PFKP: variants seen among roughly 807,000 people sequenced by gnomAD.
The protein encoded by PFKP is ATP-dependent 6-phosphofructokinase, platelet type.
In PFKP, 101 loss-of-function variants were observed where a neutral mutation model predicts 94.3. The ratio of observed to expected loss-of-function variants is 1.07; its 90% CI spans 0.91 to 1.26. The LOEUF (loss-of-function observed/expected upper bound fraction) is 1.26, where lower values mean the gene tolerates loss of function less well. Among genes scored for constraint, PFKP ranks in the 50% most tolerant of loss-of-function variants. The pLI is 0.00. For missense variants in PFKP, 1,145 were observed against 1,103.3 expected (o/e 1.04, Z -0.53); for synonymous variants, 573 against 432.6 (o/e 1.32, Z -4.03).
At chr10:3,107,803 T>C (rs897649912) in intron 8 of PFKP, 2 of 1,211,300 alleles carry the variant, frequency 1.7e-6, no homozygotes, top group Admixed American at 3.3e-5. Context: ...TGGCAGGCTT[T>C]GGCAGGCTTC....
At chr10:3,076,965 C>T (rs1467751136) in intron 1 of PFKP, among the ~76,000 whole-genome samples, 1 of 152,142 alleles carries the variant, frequency 6.6e-6, no homozygotes. Flanking sequence ...CCTACATTAT[C>T]AAAGGAAAGA....
In PFKP at chr10:3,077,802, C is replaced by T. The variant is rs139881715; in HGVS notation, c.113-4586C>T. Among the ~76,000 whole-genome samples, 550 of 152,248 alleles carry T rather than the reference C, an allele frequency of 3.6e-3. 3 individuals carry two copies. The highest frequency in any genetic ancestry group is 0.012 in the African/African-American group (502 of 41,530). ...TTTAGTAAGAAGCTGTTAAAAAGTA[C>T]GGCATATGAAGAAAGCGATTTAATA... On this transcript the variant is annotated intron_variant, in intron 1 of 21. Transcript: ENST00000381125.
intron 2 of PFKP, among the ~76,000 whole-genome samples, chr10:3,086,134 C>A (rs1386199710): frequency 1.3e-5 from 2 of 152,038 alleles, no homozygotes; most frequent in African/African-American, 4.8e-5. Context: ...TGTTATAATT[C>A]GCAAAATGTT....
At chr10:3,118,346 T>C (rs1374878046) in intron 14 of PFKP, among the ~76,000 whole-genome samples, 1 of 152,026 alleles carries the variant, frequency 6.6e-6, no homozygotes, top group African/African-American at 2.4e-5. Flanking sequence ...CGGGCGCCTG[T>C]AGTCCCAGCT....
chr10:3,120,123 C>A (rs1003376765), intron 16 of PFKP, 79 bp downstream of exon 16: 3 of 1,143,842 alleles, frequency 2.6e-6, no homozygotes, highest in Admixed American at 1.9e-5. Context: ...TCTACCAGTG[C>A]GCTAGAAATA....
At position 3,118,812 on chromosome 10, in the gene PFKP, C is replaced by G; in HGVS notation, c.1473C>G (p.Ile491Met). 1.2e-6 allele frequency: 2 copies of G among 1,613,664 alleles called. No individual in the cohort carries two copies. The highest frequency in any genetic ancestry group is 1.7e-6 in the Non-Finnish European group (2 of 1,179,732). Residue 491 changes from isoleucine (I) to methionine (M), a missense_variant, in exon 15 of 22, where the codon ATC (isoleucine) becomes ATG (methionine). Physicochemically the swap from Ile to Met is conservative, Grantham distance 10. Transcript: ENST00000381125. The stretch of plus-strand genomic sequence containing the variant: ...TCCCGGGGAAGTACTTGGAAGAGAT[C>G]GCCACACAGATGCGCACGCACAGCA... ...RVLPGKYLEE[I>M]ATQMRTHSIN...
At chr10:3,099,241 C>G in intron 2 of PFKP, 34 bp from the exon 3 acceptor site, 1 of 1,525,674 alleles carries the variant, frequency 6.6e-7, no homozygotes, top group African/African-American at 1.4e-5. Context: ...TGAAGTTTAT[C>G]TCATTTTTAA....
Position 3,118,867 on chromosome 10 carries a change from G to A in PFKP, c.1528G>A (p.Glu510Lys), listed in dbSNP as rs763834113. 5 of 1,611,102 alleles carry A rather than the reference G, an allele frequency of 3.1e-6. No homozygotes were observed. The highest frequency in any genetic ancestry group is 4.2e-6 in the Non-Finnish European group (5 of 1,177,660). ...INALLIIGGF[E>K]AYLGLLELSA... is the part of the protein sequence containing the mutation. ...CGCGCTGCTGATCATCGGTGGATTC[G>A]AGGTACGTTACCGTTTCTCTCTTGC... The change falls in exon 15 of 22, where the codon GAG becomes AAG. Residue 510 changes from glutamate to lysine, a missense_variant and splice_region_variant. Coordinates refer to ENST00000381125, the MANE Select transcript of PFKP (RefSeq NM_002627.5).
At chr10:3,092,170 C>G (rs1311101080) in intron 2 of PFKP, among the ~76,000 whole-genome samples, 1 of 151,804 alleles carries the variant, frequency 6.6e-6, no homozygotes, top group African/African-American at 2.4e-5. Context: ...CAGCCCTGTC[C>G]CTGCACCCAG....
In PFKP at chr10:3,099,210, T is replaced by C. The variant is rs1044865544; in HGVS notation, c.187-65T>C. 70 of 1,261,566 alleles carry C rather than the reference T, an allele frequency of 5.5e-5. 1 individual carries two copies. Among genetic ancestry groups the C allele is most frequent in the Middle Eastern group, 1.9e-4 (1 of 5,402 alleles). The allele number at this position is 1,261,566 out of a possible 1,614,324, so 78.1% of individuals were successfully genotyped here. A position where few individuals can be genotyped will look rare whatever the true frequency, so the allele number is the denominator to read the frequency against. On this transcript the variant is annotated intron_variant, in intron 2 of 21. Transcript: ENST00000381125. ...GTCATTTTTCCCGTTTTATATAATT[T>C]AAGGATCACTTCCCATTTAGTGAAG...
intron 4 of PFKP, 33 bp from the exon 5 acceptor site, chr10:3,103,746 G>T: frequency 6.2e-7 from 1 of 1,611,116 alleles, no homozygotes; most frequent in Non-Finnish European, 8.5e-7. Flanking sequence ...CCATGGTTAC[G>T]GCGATGAGAC....
intron 11 of PFKP, 46 bp downstream of exon 11, chr10:3,112,332 C>T (rs1282085097): frequency 2.1e-6 from 3 of 1,438,696 alleles, no homozygotes; most frequent in Non-Finnish European, 2.9e-6. Flanking sequence ...AACACACACC[C>T]CTCAGGCCCA....
chr10:3,135,925 C>T, intron 21 of PFKP, 87 bp downstream of exon 21: 2 of 796,652 alleles, frequency 2.5e-6, no homozygotes, highest in Non-Finnish European at 4.3e-6. Context: ...GTCGGCAACT[C>T]ATTCAGGGGT....
intron 2 of PFKP, among the ~76,000 whole-genome samples, chr10:3,083,932 C>T (rs1166801621): frequency 6.6e-6 from 1 of 152,116 alleles, no homozygotes; most frequent in East Asian, 1.9e-4. Context: ...TGTGAGCCGC[C>T]GCGCCCAGCC....
Position 3,132,370 on chromosome 10 carries a change from T to A in PFKP, c.1849-10T>A, listed in dbSNP as rs772582477. 6.3e-7 allele frequency: 1 copy of A among 1,599,270 alleles called. No individual in the cohort carries two copies. The highest frequency in any genetic ancestry group is 8.6e-7 in the Non-Finnish European group (1 of 1,166,868). On this transcript the variant is annotated splice_polypyrimidine_tract_variant and intron_variant, in intron 17 of 21. Coordinates refer to ENST00000381125, the MANE Select transcript of PFKP (RefSeq NM_002627.5). ...GTTTATTGTCTGATTAACAAAATAC[T>A]CTCTTCCAGTCCAACGTGGAGCACC...
At chr10:3,100,541 C>T (rs959813966) in intron 3 of PFKP, among the ~76,000 whole-genome samples, 2 of 152,178 alleles carry the variant, frequency 1.3e-5, no homozygotes, top group African/African-American at 4.8e-5. Context: ...ACTCACGTCA[C>T]TGCAGGGGTC....
chr10:3,093,299 G>T (rs1834203749), intron 2 of PFKP, among the ~76,000 whole-genome samples: 1 of 152,026 alleles, frequency 6.6e-6, no homozygotes, highest in African/African-American at 2.4e-5. Context: ...ATCCCGTTCA[G>T]TCACATCTCT....
chr10:3,117,965 G>C (rs556214449), intron 14 of PFKP, among the ~76,000 whole-genome samples: 1 of 152,250 alleles, frequency 6.6e-6, no homozygotes, highest in East Asian at 1.9e-4. Context: ...AAGAGTACAA[G>C]TACTTCACTT....
chr10:3,135,543 A>T, intron 20 of PFKP, among the ~76,000 whole-genome samples, 193 bp from the exon 21 acceptor site: 1 of 152,368 alleles, frequency 6.6e-6, no homozygotes, highest in East Asian at 1.9e-4. Flanking sequence ...CCCTCGGGGC[A>T]GTCCCACAGG....
Sources: allele counts gnomAD v4.1 joint callset (sites outside exome capture counted in the v4.1 genomes callset), GRCh38; gene constraint gnomAD v4.1.1; transcripts MANE v1.5; gene names NCBI Gene and HGNC (gene_info 2026-07-23, HGNC 2026-07-21).